SLC27A6: variants seen among roughly 807,000 people sequenced by gnomAD.
SLC27A6 encodes the protein long-chain fatty acid transport protein 6.
Under a neutral mutation model 63.9 loss-of-function variants are expected in SLC27A6, and 74 were observed. That is an observed-to-expected ratio of 1.16 (90% CI 0.96 to 1.40). The LOEUF is 1.40. Among genes scored for constraint, SLC27A6 ranks in the 40% most tolerant of loss-of-function variants. The pLI is 0.00. For missense variants in SLC27A6, 794 were observed against 732.9 expected (o/e 1.08, Z -0.96); for synonymous variants, 287 against 260.8 (o/e 1.10, Z -0.97).
chr5:129,009,923 C>G (rs552467541), intron 4 of SLC27A6, among the ~76,000 whole-genome samples: 1 of 152,160 alleles, frequency 6.6e-6, no homozygotes, highest in South Asian at 2.1e-4. Flanking sequence ...GCAATCCACC[C>G]GCCTCAGCCT....
Position 129,027,157 on chromosome 5 carries a change from G to A in SLC27A6, c.1280G>A (p.Arg427Gln), listed in dbSNP as rs754916870. 1.1e-5 allele frequency: 17 copies of A among 1,613,200 alleles called. No individual in the cohort carries two copies. Among genetic ancestry groups the A allele is most frequent in the East Asian group, 8.9e-5 (4 of 44,850 alleles). ...GGAGAACCTGGACTTCTCATTTCTCGAGTGAATGCAAAAAATCCCTTCTTT... is the reference window on the plus strand; with the variant it reads ...GGAGAACCTGGACTTCTCATTTCTCAAGTGAATGCAAAAAATCCCTTCTTT... ...KKGEPGLLIS[R>Q]VNAKNPFFGY... The change falls in exon 7 of 10, where the codon CGA becomes CAA. Residue 427 changes from arginine to glutamine, a missense_variant. Arg to Gln is a conservative substitution (Grantham distance 43). Transcript: ENST00000262462.
In SLC27A6 at chr5:128,970,087, A is replaced by G. The variant is rs563252456; in HGVS notation, c.481+3469A>G. Among the ~76,000 whole-genome samples the G allele has an allele frequency of 4.6e-4, 68 of 147,588 alleles. 1 individual carries two copies. In the South Asian group the frequency reaches 0.014, roughly 31 times the overall value. On this transcript the variant is annotated intron_variant, in intron 1 of 9. Transcript: ENST00000262462. The stretch of plus-strand genomic sequence containing the variant: ...ACGTTTATTGATTTGCATGTGCTGA[A>G]CAAGCCTTGCATCCCAGGGATGAAG...
intron 4 of SLC27A6, among the ~76,000 whole-genome samples, chr5:129,004,318 T>C (rs1258019937): frequency 2.0e-5 from 3 of 152,170 alleles, no homozygotes; most frequent in Non-Finnish European, 4.4e-5. Flanking sequence ...GCCTGCCCTT[T>C]CTCCCCTTGC....
At chr5:128,968,956 G>A (rs1580695192) in intron 1 of SLC27A6, among the ~76,000 whole-genome samples, 1 of 152,192 alleles carries the variant, frequency 6.6e-6, no homozygotes, top group African/African-American at 2.4e-5. Context: ...TGTAAGGAAG[G>A]TATCCAGTTT....
chr5:129,011,298 A>G (rs1299767062), intron 4 of SLC27A6, among the ~76,000 whole-genome samples: 1 of 152,158 alleles, frequency 6.6e-6, no homozygotes, highest in Non-Finnish European at 1.5e-5. Flanking sequence ...CCTTGCCAAC[A>G]CTTGTTGGAA....
chr5:128,988,832 A>C, intron 3 of SLC27A6, 74 bp downstream of exon 3: 1 of 1,218,872 alleles, frequency 8.2e-7, no homozygotes, highest in Non-Finnish European at 1.2e-6. Flanking sequence ...TAACATTTGA[A>C]GCTGTATCGG....
At chr5:128,971,001 T>G (rs1750133360) in intron 1 of SLC27A6, among the ~76,000 whole-genome samples, 1 of 152,206 alleles carries the variant, frequency 6.6e-6, no homozygotes, top group African/African-American at 2.4e-5. Context: ...ATTTCTGCCT[T>G]CATTTCGTTA....
chr5:128,997,435 G>T lies in SLC27A6; in HGVS notation c.969+6971G>T, dbSNP rs1179992169. Among the ~76,000 whole-genome samples the T allele has an allele frequency of 3.1e-4, 47 of 152,122 alleles. 2 individuals carry two copies. ...AAGCATTTAGAGAAGTTGGTAAGCT[G>T]CCAGAAACTCTTTTCAGCTTAGAAA... On this transcript the variant is annotated intron_variant, in intron 4 of 9. Transcript: ENST00000262462.
chr5:129,021,244 A>T (rs1011471688), intron 5 of SLC27A6, among the ~76,000 whole-genome samples: 11 of 151,220 alleles, frequency 7.3e-5, no homozygotes, highest in African/African-American at 2.7e-4. Context: ...CCAAGGACTT[A>T]GAGATCACCT....
intron 8 of SLC27A6, among the ~76,000 whole-genome samples, chr5:129,029,309 A>G (rs1046666153): frequency 6.6e-6 from 1 of 152,052 alleles, no homozygotes; most frequent in Non-Finnish European, 1.5e-5. Context: ...ATGCAAATTC[A>G]TTGTAATTTA....
At position 128,966,434 on chromosome 5, in the gene SLC27A6, T is replaced by C. The variant is rs752344624; in HGVS notation, c.297T>C (p.His99=). Residue 99 remains histidine (H), a synonymous_variant, in exon 1 of 10, where the codon CAT becomes CAC. Transcript: ENST00000262462. ...SSRVAHVFLN[H]SSLKKGDTVA... is the part of the protein sequence containing the mutation. ...GAGTGGCCCATGTCTTCCTGAACCA[T>C]TCCTCTCTGAAAAAGGGGGACACGG... 1.2e-5 allele frequency: 19 copies of C among 1,606,542 alleles called. No homozygotes were observed. In the South Asian group the frequency reaches 2.1e-4, roughly 18 times the overall value.
intron 1 of SLC27A6, among the ~76,000 whole-genome samples, chr5:128,968,851 T>A (rs1168576226): frequency 6.6e-6 from 1 of 152,226 alleles, no homozygotes; most frequent in East Asian, 1.9e-4. Context: ...GCCTATGTCC[T>A]GAATGGTATT....
chr5:128,982,134 A>G (rs1750615277), intron 1 of SLC27A6, among the ~76,000 whole-genome samples: 1 of 152,142 alleles, frequency 6.6e-6, no homozygotes, highest in Non-Finnish European at 1.5e-5. Context: ...TTATTAAGAA[A>G]GACTGGCAGT....
chr5:129,020,589 A>C (rs1198012550), intron 5 of SLC27A6, among the ~76,000 whole-genome samples: 1 of 152,138 alleles, frequency 6.6e-6, no homozygotes, highest in Non-Finnish European at 1.5e-5. Context: ...TCTAAACTTA[A>C]ATTTTAAAAT....
intron 4 of SLC27A6, among the ~76,000 whole-genome samples, chr5:129,012,549 A>C (rs1751759883): frequency 6.6e-6 from 1 of 152,104 alleles, no homozygotes; most frequent in Non-Finnish European, 1.5e-5. Flanking sequence ...TATCAGTACC[A>C]GAGAGAGAAG....
intron 4 of SLC27A6, among the ~76,000 whole-genome samples, chr5:129,001,123 G>A (rs3844183): frequency 6.6e-6 from 1 of 151,922 alleles, no homozygotes; most frequent in Non-Finnish European, 1.5e-5. Context: ...TGAGTTAAAG[G>A]CAACATTGAA....
At chr5:128,983,691 G>T (rs1750692140) in intron 1 of SLC27A6, among the ~76,000 whole-genome samples, 1 of 152,020 alleles carries the variant, frequency 6.6e-6, no homozygotes, top group Non-Finnish European at 1.5e-5. Flanking sequence ...TTAGTCTATG[G>T]TTAGATTACT....
At chr5:128,986,504 A>C (rs1750791972) in intron 2 of SLC27A6, among the ~76,000 whole-genome samples, 1 of 152,348 alleles carries the variant, frequency 6.6e-6, no homozygotes, top group East Asian at 1.9e-4. Flanking sequence ...ATTGCATAGT[A>C]AAATTTTTCT....
At chr5:128,986,194 G>A (rs1482764572) in intron 2 of SLC27A6, among the ~76,000 whole-genome samples, 1 of 152,054 alleles carries the variant, frequency 6.6e-6, no homozygotes, top group African/African-American at 2.4e-5. Flanking sequence ...TGCACCTGTA[G>A]TACCAGCTAC....
Sources: gnomAD v4.1 joint callset for allele counts (sites outside exome capture counted in the v4.1 genomes callset) on GRCh38, gnomAD v4.1.1 for gene constraint, MANE v1.5 for transcripts, NCBI Gene and HGNC (gene_info 2026-07-23, HGNC 2026-07-21) for gene names.